The following CFAP46 variants were observed in gnomAD, a reference collection of about 807,000 sequenced individuals.
The protein encoded by CFAP46 is cilia and flagella associated protein 46, also known as cilia- and flagella-associated protein 46.
CFAP46 carries 245 observed loss-of-function variants against 325.7 expected under a neutral mutation model. The observed-to-expected ratio is 0.75, with a 90% confidence interval of 0.68 to 0.84. The LOEUF is 0.84. Ranked by LOEUF, CFAP46 falls within the 40% of genes least tolerant of loss-of-function variation. CFAP46 has a pLI of 0.00. For missense variants in CFAP46, 3,346 were observed against 3,543.0 expected, an observed-to-expected ratio of 0.94 and a Z score of 1.41; for synonymous variants, 1,523 against 1,495.9, an observed-to-expected ratio of 1.02 and a Z score of -0.42.
chr10:132,814,311 A>G lies in CFAP46; in HGVS notation c.7286-57T>C, dbSNP rs1847644293. 4 of 1,432,992 alleles carry G rather than the reference A, an allele frequency of 2.8e-6. No homozygotes were observed. In the East Asian group the frequency reaches 9.2e-5, roughly 33 times the overall value. The allele number at this position is 1,432,992 out of a possible 1,614,324, so 88.8% of individuals were successfully genotyped here. A position where few individuals can be genotyped will look rare whatever the true frequency, so the allele number is the denominator to read the frequency against. On this transcript the variant is annotated intron_variant, in intron 53 of 57. Coordinates refer to ENST00000368586, the MANE Select transcript of CFAP46 (RefSeq NM_001200049.3). ...GGTGTTTCATCAGACACGGGTGTGCAGGGCCGGGGTCCCTGGGGAGGGGTC... is the reference window on the plus strand; with the variant it reads ...GGTGTTTCATCAGACACGGGTGTGCGGGGCCGGGGTCCCTGGGGAGGGGTC...
chr10:132,897,636 G>T (rs1458748955), intron 24 of CFAP46, among the ~76,000 whole-genome samples: 2 of 152,266 alleles, frequency 1.3e-5, no homozygotes, highest in African/African-American at 2.4e-5. Flanking sequence ...ATGGCCATGT[G>T]TGGGTTGGCA....
At chr10:132,929,853 A>G in intron 8 of CFAP46, 49 bp from the exon 9 acceptor site, 1 of 1,397,556 alleles carries the variant, frequency 7.2e-7, no homozygotes, top group East Asian at 2.3e-5. Context: ...GGGCACAGGA[A>G]ACATGGCTGC....
At chr10:132,812,635 G>A (rs930721150) in intron 55 of CFAP46, 150 bp downstream of exon 55, 4 of 613,198 alleles carry the variant, frequency 6.5e-6, no homozygotes, top group African/African-American at 1.8e-5. Flanking sequence ...AGACAGGAGG[G>A]GCCTGCAGTC....
Position 132,941,336 on chromosome 10 carries a change from G to A in CFAP46, c.306+255C>T, listed in dbSNP as rs538804404. Among the ~76,000 whole-genome samples the A allele has an allele frequency of 5.9e-5, 9 of 152,346 alleles. No individual in the cohort carries two copies. The East Asian group carries it at 7.7e-4, about 13-fold the overall frequency. ...CACCCCAGCTCCCCTGTGCCCACTC[G>A]GGGCAGCTGCAGGCGCAGATGCCAC... On this transcript the variant is annotated intron_variant, in intron 3 of 57. Transcript: ENST00000368586.
intron 50 of CFAP46, among the ~76,000 whole-genome samples, chr10:132,820,674 ACTGATGTGTGCTGTGTGTG>A (rs1565034597): frequency 2.9e-4 from 20 of 68,618 alleles, no homozygotes; most frequent in African/African-American, 1.2e-4. Context: ...CTGTGTGTGC[ACTGATGTGTGCTGTGTGTG>A]CTGATGTGTG....
chr10:132,883,874 A>G (rs1173308962), intron 27 of CFAP46, among the ~76,000 whole-genome samples: 1 of 152,208 alleles, frequency 6.6e-6, no homozygotes, highest in Non-Finnish European at 1.5e-5. Flanking sequence ...GCTGGGGCCA[A>G]TGGAGGGAGA....
intron 24 of CFAP46, among the ~76,000 whole-genome samples, chr10:132,896,239 G>A (rs1413425195): frequency 1.3e-5 from 2 of 148,972 alleles, no homozygotes; most frequent in Non-Finnish European, 3.0e-5. Context: ...CAGTGAGAAG[G>A]CAGCCAGGCT....
chr10:132,816,817 A>G (rs1009426854), intron 50 of CFAP46, among the ~76,000 whole-genome samples: 2 of 152,218 alleles, frequency 1.3e-5, no homozygotes, highest in African/African-American at 4.8e-5. Context: ...TGAGCTGTTG[A>G]ATTTTCAAGT....
chr10:132,875,825 A>C (rs189319127), intron 31 of CFAP46, among the ~76,000 whole-genome samples: 1 of 152,352 alleles, frequency 6.6e-6, no homozygotes, highest in Admixed American at 6.5e-5. Flanking sequence ...ATCAAAAAAA[A>C]GGACACACAA....
At chr10:132,830,519 C>T (rs1484163880) in intron 50 of CFAP46, among the ~76,000 whole-genome samples, 2 of 152,238 alleles carry the variant, frequency 1.3e-5, no homozygotes. Context: ...CAGGTCATCC[C>T]TTTCTTCTTG....
rs565433841 is a variant in CFAP46 at position 132,942,046 on chromosome 10, C to T, written c.108G>A (p.Ser36=). 2.8e-5 allele frequency: 44 copies of T among 1,551,788 alleles called. No individual in the cohort carries two copies. The South Asian group carries it at 5.1e-4, about 18-fold the overall frequency. The change falls in exon 2 of 58, where the codon TCG becomes TCA. Residue 36 remains serine (S), a synonymous_variant. Transcript: ENST00000368586. Reference sequence around the variant, plus strand: ...TGAAGCTCTCTGAGGGGTCAAACTCCGATTTCCCTAGGTTGGCCGATTTGA... The same window carrying T: ...TGAAGCTCTCTGAGGGGTCAAACTCTGATTTCCCTAGGTTGGCCGATTTGA... ...ELIKSANLGK[S]EFDPSESFSP...
At chr10:132,901,413 G>A (rs1451936134) in intron 22 of CFAP46, among the ~76,000 whole-genome samples, 2 of 152,074 alleles carry the variant, frequency 1.3e-5, no homozygotes, top group Non-Finnish European at 2.9e-5. Flanking sequence ...TCCTCTATTA[G>A]ATTTTTAGTT....
intron 39 of CFAP46, among the ~76,000 whole-genome samples, 154 bp downstream of exon 39, chr10:132,857,436 G>GT (rs532058450): frequency 8.0e-4 from 122 of 152,346 alleles, no homozygotes; most frequent in Middle Eastern, 3.4e-3. Context: ...TACACTGTTT[G>GT]TTTTTTTGTT....
At chr10:132,858,866 C>T (rs973394134) in intron 38 of CFAP46, among the ~76,000 whole-genome samples, 6 of 152,012 alleles carry the variant, frequency 3.9e-5, no homozygotes, top group African/African-American at 1.4e-4. Context: ...TCAGGGGCAA[C>T]GGGGGCTCCC....
chr10:132,832,537 T>C lies in CFAP46; in HGVS notation c.7117+821A>G, dbSNP rs907747884. 3.0e-6 allele frequency: 1 copy of C among 331,444 alleles called. No homozygotes were observed. Among genetic ancestry groups the C allele is most frequent in the Non-Finnish European group, 6.1e-6 (1 of 164,984 alleles). 20.5% of individuals were successfully genotyped at this position (331,444 alleles called of 1,614,324 possible). ...TGAAAACCCTCATTTCATGTGCTTT[T>C]CTCTGGTTTTTATTTGTCTCAGCTG... On this transcript the variant is annotated intron_variant, in intron 50 of 57. Coordinates refer to ENST00000368586, the MANE Select transcript of CFAP46 (RefSeq NM_001200049.3). The surrounding 1 kb of genome is among the most constrained non-coding windows in gnomAD (Gnocchi z 4.1).
In CFAP46 at chr10:132,910,022, T is replaced by A. The variant is rs1218758479; in HGVS notation, c.2546A>T (p.Glu849Val). 2.6e-6 allele frequency: 4 copies of A among 1,540,058 alleles called. No individual in the cohort carries two copies. The highest frequency in any genetic ancestry group is 3.5e-6 in the Non-Finnish European group (4 of 1,142,778). ...LNLTNGSAPE[E>V]TVPTGTRQQL... ...CTGCCGGGTGCCGGTGGGCACCGTC[T>A]CCTCGGGCGCACTCCCATTGGTCAG... The change falls in exon 20 of 58, where the codon GAG becomes GTG. Residue 849 changes from glutamate to valine, a missense_variant. Transcript: ENST00000368586.
chr10:132,899,488 C>G, intron 23 of CFAP46, 47 bp downstream of exon 23: 1 of 1,500,944 alleles, frequency 6.7e-7, no homozygotes, highest in South Asian at 1.3e-5. Context: ...GGGTCCCGCA[C>G]GGCCGGGGAG....
At chr10:132,910,708 C>A (rs777092620) in intron 19 of CFAP46, among the ~76,000 whole-genome samples, 1 of 152,208 alleles carries the variant, frequency 6.6e-6, no homozygotes, top group Non-Finnish European at 1.5e-5. Context: ...TCCCATCTCT[C>A]GCTGCCTTGT....
chr10:132,815,430 C>A (rs893105770), intron 50 of CFAP46, among the ~76,000 whole-genome samples: 3 of 152,198 alleles, frequency 2.0e-5, no homozygotes, highest in Non-Finnish European at 4.4e-5. Flanking sequence ...ACTGCCTGAC[C>A]GCCTTCAAAG....
Sources: allele counts gnomAD v4.1 joint callset (sites outside exome capture counted in the v4.1 genomes callset), GRCh38; gene constraint gnomAD v4.1.1; non-coding constraint Gnocchi (gnomAD v3.1); transcripts MANE v1.5; gene names NCBI Gene and HGNC (gene_info 2026-07-23, HGNC 2026-07-21).